Variants in VTI1A observed in about 807,000 individuals in gnomAD.
The protein encoded by VTI1A is vesicle transport through interaction with t-SNAREs homolog 1A.
In VTI1A, 22 loss-of-function variants were observed where a neutral mutation model predicts 34.9. The observed-to-expected ratio is 0.63, with a 90% CI of 0.45 to 0.90. VTI1A has a LOEUF of 0.90. Ranked by LOEUF, VTI1A falls within the 40% of genes least tolerant of loss-of-function variation. The pLI is 0.00. For synonymous variants in VTI1A, 87 were observed against 97.3 expected (o/e 0.89, Z 0.62); for missense variants, 268 against 275.6 (o/e 0.97, Z 0.20).
intron 7 of VTI1A, chr10:112,671,981 A>G (rs1285400393): frequency 6.6e-6 from 1 of 152,134 alleles, no homozygotes; most frequent in East Asian, 1.9e-4. Context: ...CTTTCAGAGT[A>G]CTTTAGTGTA....
chr10:112,567,425 T>C (rs548631010), intron 5 of VTI1A, among the ~76,000 whole-genome samples: 8 of 152,346 alleles, frequency 5.3e-5, no homozygotes, highest in South Asian at 2.1e-4. Flanking sequence ...ATGTGAAAAT[T>C]TATTATTGCT....
At chr10:112,696,115 T>TATATATATATGC (rs536596679) in intron 7 of VTI1A, among the ~76,000 whole-genome samples, 2 of 150,504 alleles carry the variant, frequency 1.3e-5, no homozygotes, top group Admixed American at 1.3e-4. Context: ...TATATATATA[T>TATATATATATGC]GCACGTGAGC....
intron 5 of VTI1A, among the ~76,000 whole-genome samples, chr10:112,621,068 TC>T (rs973143564): frequency 3.3e-5 from 5 of 152,238 alleles, no homozygotes; most frequent in Non-Finnish European, 7.3e-5. Flanking sequence ...CCTGTTCTTT[TC>T]CATCTTCTTG....
intron 5 of VTI1A, among the ~76,000 whole-genome samples, chr10:112,592,882 G>A (rs576074891): frequency 1.3e-5 from 2 of 152,190 alleles, no homozygotes; most frequent in Non-Finnish European, 2.9e-5. Flanking sequence ...TTAGACTTGT[G>A]TTACGTTCCA....
the VTI1A span, among the ~76,000 whole-genome samples, chr10:112,835,739 A>G: frequency 6.6e-6 from 1 of 152,174 alleles, no homozygotes; most frequent in Non-Finnish European, 1.5e-5. Context: ...ATAAGCATCA[A>G]ATGTCTTCAA....
chr10:112,513,362 C>T (rs1849677289), intron 3 of VTI1A, among the ~76,000 whole-genome samples: 1 of 151,934 alleles, frequency 6.6e-6, no homozygotes, highest in Non-Finnish European at 1.5e-5. Context: ...TATAGAAACA[C>T]TATTGATTTT....
intron 7 of VTI1A, among the ~76,000 whole-genome samples, chr10:112,754,518 C>T (rs1317745853): frequency 1.3e-5 from 2 of 152,234 alleles, no homozygotes; most frequent in Non-Finnish European, 2.9e-5. Flanking sequence ...AAGTTCACGA[C>T]ACAGTAATTC....
At chr10:112,699,698 G>C (rs994667260) in intron 7 of VTI1A, among the ~76,000 whole-genome samples, 7 of 151,860 alleles carry the variant, frequency 4.6e-5, no homozygotes, top group African/African-American at 1.7e-4. Flanking sequence ...GGGTGTGGTG[G>C]CACATGCCTG....
At chr10:112,726,781 A>G (rs1195792250) in intron 7 of VTI1A, among the ~76,000 whole-genome samples, 1 of 152,076 alleles carries the variant, frequency 6.6e-6, no homozygotes, top group Non-Finnish European at 1.5e-5. Context: ...CATAGACTAG[A>G]TCCTGATGTG....
intron 7 of VTI1A, among the ~76,000 whole-genome samples, chr10:112,694,943 C>T (rs1296012090): frequency 5.3e-5 from 8 of 151,952 alleles, no homozygotes; most frequent in Non-Finnish European, 1.2e-4. Flanking sequence ...CACTCCAGCC[C>T]GGGTGACAGA....
intron 5 of VTI1A, among the ~76,000 whole-genome samples, chr10:112,586,251 C>A (rs1237996223): frequency 6.6e-6 from 1 of 151,944 alleles, no homozygotes; most frequent in African/African-American, 2.4e-5. Flanking sequence ...GCTCTGTACT[C>A]CTCCTTGGTT....
intron 3 of VTI1A, among the ~76,000 whole-genome samples, chr10:112,491,967 G>T (rs1179331066): frequency 6.6e-6 from 1 of 152,154 alleles, no homozygotes; most frequent in Non-Finnish European, 1.5e-5. Context: ...AACTACTGAT[G>T]CCTGGATCCC....
At position 112,815,600 on chromosome 10, in the gene VTI1A, C is replaced by T. The variant is rs1471110986; in HGVS notation, c.*217C>T. On this transcript the variant is annotated 3_prime_UTR_variant, in exon 8 of 8. Coordinates refer to ENST00000393077, the MANE Select transcript of VTI1A (RefSeq NM_145206.4). ...TTCGAGGTTTGTCTTCACCCAGATT[C>T]GTTTTTTAGAGGGGAAGGTGAATGT... 5 of 557,528 alleles carry T rather than the reference C, an allele frequency of 9.0e-6. 1 individual carries two copies. The Middle Eastern group carries it at 1.3e-3, about 145-fold the overall frequency. The allele number at this position is 557,528 out of a possible 1,614,324, so 34.5% of individuals were successfully genotyped here.
At chr10:112,488,593 C>T (rs1462457110) in intron 3 of VTI1A, among the ~76,000 whole-genome samples, 4 of 152,142 alleles carry the variant, frequency 2.6e-5, no homozygotes, top group African/African-American at 9.7e-5. Flanking sequence ...CTGTATTCAG[C>T]GTTACTTCCA....
intron 7 of VTI1A, chr10:112,737,338 CT>C: frequency 9.8e-7 from 1 of 1,024,194 alleles, no homozygotes; most frequent in Non-Finnish European, 1.2e-6. Flanking sequence ...GTGCCCAACC[CT>C]AACAATTATT....
chr10:112,504,397 C>T (rs1849352087), intron 3 of VTI1A, among the ~76,000 whole-genome samples: 1 of 152,126 alleles, frequency 6.6e-6, no homozygotes, highest in Non-Finnish European at 1.5e-5. Context: ...CAAAATGGCA[C>T]ATCACACGAA....
rs112605708 is a variant in VTI1A, at chr10:112,694,098, C to T, written c.560+25100C>T. On this transcript the variant is annotated intron_variant, in intron 7 of 7. Transcript: ENST00000393077. ...GCGCGTGCCTGTAATCCCAGCTACT[C>T]GGGAGGCTGAGGCAGAAGAATCGCT... Among the ~76,000 whole-genome samples, 1,079 of 151,922 alleles carry T rather than the reference C, an allele frequency of 7.1e-3. 17 individuals carry two copies. Among genetic ancestry groups the T allele is most frequent in the African/African-American group, 0.024 (1,010 of 41,384 alleles).
intron 3 of VTI1A, among the ~76,000 whole-genome samples, chr10:112,467,208 T>G (rs1224293034): frequency 2.0e-5 from 3 of 152,204 alleles, no homozygotes; most frequent in African/African-American, 7.2e-5. Context: ...AACCCAACCT[T>G]TAGTCTTTTT....
chr10:112,564,278 G>A (rs144102877), intron 5 of VTI1A, among the ~76,000 whole-genome samples: 16 of 152,086 alleles, frequency 1.1e-4, no homozygotes, highest in African/African-American at 2.6e-4. Context: ...TGTTCAGCGC[G>A]TTGTTGATTT....
Sources: allele counts gnomAD v4.1 joint callset (sites outside exome capture counted in the v4.1 genomes callset), GRCh38; gene constraint gnomAD v4.1.1; transcripts MANE v1.5; gene names NCBI Gene and HGNC (gene_info 2026-07-23, HGNC 2026-07-21).